Variants in DPH2 observed in about 807,000 individuals in gnomAD.
DPH2 encodes the protein diphthamide biosynthesis 2.
DPH2 carries 28 observed loss-of-function variants against 42.5 expected under a neutral mutation model. That is an observed-to-expected ratio of 0.66 (90% CI 0.49 to 0.90). DPH2 has a LOEUF of 0.90. Ranked by LOEUF, DPH2 falls within the 40% of genes least tolerant of loss-of-function variation. The pLI is 0.00. For missense variants in DPH2, 576 were observed against 636.0 expected, an observed-to-expected ratio of 0.91 and a Z score of 1.01; for synonymous variants, 279 against 264.4, an observed-to-expected ratio of 1.06 and a Z score of -0.53.
At position 43,972,573 on chromosome 1, in the gene DPH2, T is replaced by G. The variant is rs1434258755; in HGVS notation, c.*34T>G. On this transcript the variant is annotated 3_prime_UTR_variant, in exon 6 of 6. Coordinates refer to ENST00000255108, the MANE Select transcript of DPH2 (RefSeq NM_001384.5). ...GGGGCTGGAGACATAGATGGACTTA[T>G]GAATGGCTGCTAGGACCTTTAGTGC... is the stretch of plus-strand genomic sequence containing the variant. The G allele has an allele frequency of 3.7e-6, 6 of 1,613,214 alleles. No individual in the cohort carries two copies. Among genetic ancestry groups the G allele is most frequent in the Non-Finnish European group, 5.1e-6 (6 of 1,179,536 alleles).
At position 43,970,686 on chromosome 1, in the gene DPH2, C is replaced by G. The variant is rs1571781325; in HGVS notation, c.238C>G (p.Leu80Val). 1 of 1,614,154 alleles carries G rather than the reference C, an allele frequency of 6.2e-7. No homozygotes were observed. Among genetic ancestry groups the G allele is most frequent in the South Asian group, 1.1e-5 (1 of 91,076 alleles). The stretch of plus-strand genomic sequence containing the variant: ...GACGACAGGGTCAAAGATGTTCATT[C>G]TGGGTGACACAGCCTACGGCAGGTG... ...EETTGSKMFI[L>V]GDTAYGSCCV... The change falls in exon 2 of 6, where the codon CTG becomes GTG. Residue 80 changes from leucine to valine, a missense_variant. Leu to Val is a conservative substitution (Grantham distance 32, BLOSUM62 1). Coordinates refer to ENST00000255108, the MANE Select transcript of DPH2 (RefSeq NM_001384.5).
In DPH2 at chr1:43,972,300, G is replaced by C; in HGVS notation, c.1311G>C (p.Arg437=). 1 of 1,614,108 alleles carries C rather than the reference G, an allele frequency of 6.2e-7. No homozygotes were observed. Among genetic ancestry groups the C allele is most frequent in the Non-Finnish European group, 8.5e-7 (1 of 1,180,012 alleles). The change falls in exon 5 of 6, where the codon CGG becomes CGC. Residue 437 remains arginine (R), a synonymous_variant. Coordinates refer to ENST00000255108, the MANE Select transcript of DPH2 (RefSeq NM_001384.5). ...NDHGSLALTP[R]PQLELAESSP... ...ATGGAAGCTTGGCTCTGACCCCACG[G>C]CCCCAGCTGGAGCTGGCTGAGAGCA...
At position 43,972,034 on chromosome 1, in the gene DPH2, G is replaced by A; in HGVS notation, c.1132G>A (p.Ala378Thr). Residue 378 changes from alanine (A) to threonine (T), a missense_variant, in exon 4 of 6, where the codon GCT (alanine) becomes ACT (threonine). Physicochemically the swap from Ala to Thr is moderately conservative, Grantham distance 58. Coordinates refer to ENST00000255108, the MANE Select transcript of DPH2 (RefSeq NM_001384.5). Reference protein sequence around the residue: ...CNPAWPPPGLAPHLTHYADLL... With the variant: ...CNPAWPPPGLTPHLTHYADLL... Reference sequence around the variant, plus strand: ...CCCTGCCTGGCCACCTCCAGGCCTGGCTCCCCACCTCACACATTATGCGGA... The same window carrying A: ...CCCTGCCTGGCCACCTCCAGGCCTGACTCCCCACCTCACACATTATGCGGA... 1 of 1,614,024 alleles carries A rather than the reference G, an allele frequency of 6.2e-7. No homozygotes were observed. The highest frequency in any genetic ancestry group is 8.5e-7 in the Non-Finnish European group (1 of 1,179,990).
At position 43,970,232 on chromosome 1, in the gene DPH2, G is replaced by T. The variant is rs1057249658; in HGVS notation, c.57G>T (p.Val19=). The stretch of plus-strand genomic sequence containing the variant: ...CGGCGCTGCAGCGAGAGACCGGGGT[G>T]CCAGGACTGCTTACTCCTCTTCCGG... ...AEAALQRETG[V]PGLLTPLPDL... Residue 19 remains valine (V), a synonymous_variant, in exon 1 of 6, where the codon GTG becomes GTT. Transcript: ENST00000255108. 2.5e-6 allele frequency: 4 copies of T among 1,614,242 alleles called. No homozygotes were observed. The African/African-American group carries it at 5.3e-5, about 22-fold the overall frequency.
chr1:43,970,654 T>C lies in DPH2; in HGVS notation c.206T>C (p.Leu69Pro), dbSNP rs780243702. 14 of 1,614,056 alleles carry C rather than the reference T, an allele frequency of 8.7e-6. No homozygotes were observed. The highest frequency in any genetic ancestry group is 1.2e-5 in the Non-Finnish European group (14 of 1,180,038). The change falls in exon 2 of 6, where the codon CTG (leucine) becomes CCG (proline). Residue 69 changes from leucine (L) to proline (P), a missense_variant. This residue lies in a region of DPH2 where 395 missense variants were observed against 435.2 expected (regional missense o/e 0.91). Transcript: ENST00000255108. ...LGDAVAVAAR[L>P]EETTGSKMFI... ...GATGCTGTGGCTGTGGCTGCACGAC[T>C]GGAGGAGACGACAGGGTCAAAGATG...
At position 43,973,302 on chromosome 1, in the gene DPH2, C is replaced by T. The variant is rs7161; in HGVS notation, c.*763C>T. 86,630 of 152,240 alleles carry T rather than the reference C, an allele frequency of 0.57. 30,150 individuals are homozygous for T. Among genetic ancestry groups the T allele is most frequent in the Non-Finnish European group, 0.77 (52,401 of 68,020 alleles). The allele number at this position is 152,240 out of a possible 1,614,324, so 9.4% of individuals were successfully genotyped here. A position where few individuals can be genotyped will look rare whatever the true frequency, so the allele number is the denominator to read the frequency against. On this transcript the variant is annotated 3_prime_UTR_variant, in exon 6 of 6. Transcript: ENST00000255108. Reference sequence around the variant, plus strand: ...GCAGAAAGTTCTATTGGTTGGACAGCGTTGGTCTATACTGACTCTTATTTC... The same window carrying T: ...GCAGAAAGTTCTATTGGTTGGACAGTGTTGGTCTATACTGACTCTTATTTC...
rs760641008 is a variant in DPH2, at chr1:43,972,151, C to G, written c.1169-7C>G. The G allele has an allele frequency of 6.2e-7, 1 of 1,612,716 alleles. No homozygotes were observed. Among genetic ancestry groups the G allele is most frequent in the Non-Finnish European group, 8.5e-7 (1 of 1,179,014 alleles). On this transcript the variant is annotated splice_region_variant and splice_polypyrimidine_tract_variant and intron_variant, in intron 4 of 5. Transcript: ENST00000255108. ...GAGTATGGATTTTCTTTCCTCCTCC[C>G]TTTCAGGCTCTCCCTTCCACGTGGC...
rs765961038 is a variant in DPH2 at position 43,970,307 on chromosome 1, C to T, written c.132C>T (p.Asp44=). 1 of 1,614,078 alleles carries T rather than the reference C, an allele frequency of 6.2e-7. No individual in the cohort carries two copies. Among genetic ancestry groups the T allele is most frequent in the Admixed American group, 1.7e-5 (1 of 60,020 alleles). Residue 44 remains aspartate, a synonymous_variant, in exon 1 of 6, where the codon GAC becomes GAT. Coordinates refer to ENST00000255108, the MANE Select transcript of DPH2 (RefSeq NM_001384.5). ...AGCGAGTCGCTGGATTTGTCCGCGA[C>T]CTGGGGTGTGAACGAGTGAGGACAG... ...ELERVAGFVR[D]LGCERVALQF... is the part of the protein sequence containing the mutation.
Position 43,971,725 on chromosome 1 carries a change from G to C in DPH2, c.823G>C (p.Val275Leu). The stretch of plus-strand genomic sequence containing the variant: ...GCTAAGGGCACGAAGACGATATCTG[G>C]TAGAGAGGGCCAGAGATGCCCGCGT... ...GRLRARRRYL[V>L]ERARDARVVG... is the part of the protein sequence containing the mutation. Residue 275 changes from valine (V) to leucine (L), a missense_variant, in exon 4 of 6, where the codon GTA becomes CTA. Val to Leu is a conservative substitution (Grantham distance 32). Around this residue, in one of 3 missense-constraint regions of DPH2, gnomAD observed 395 missense variants for 435.2 expected, o/e 0.91. Transcript: ENST00000255108. 1.2e-6 allele frequency: 2 copies of C among 1,611,976 alleles called. No homozygotes were observed. The highest frequency in any genetic ancestry group is 1.7e-6 in the Non-Finnish European group (2 of 1,179,892).
In DPH2 at chr1:43,972,462, G is replaced by A. The variant is rs375395515; in HGVS notation, c.1393G>A (p.Gly465Ser). Residue 465 changes from glycine (G) to serine (S), a missense_variant, in exon 6 of 6, where the codon GGT becomes AGT. Coordinates refer to ENST00000255108, the MANE Select transcript of DPH2 (RefSeq NM_001384.5). ...CTGGCAAGGGCTGGAGCCCCGCCTG[G>A]GTCAGACGCCAGTGACAGAAGCTGT... The part of the protein sequence containing the change: ...RSWQGLEPRL[G>S]QTPVTEAVSG... 63 of 1,614,136 alleles carry A rather than the reference G, an allele frequency of 3.9e-5. No homozygotes were observed. The highest frequency in any genetic ancestry group is 4.7e-5 in the Non-Finnish European group (55 of 1,180,060).
chr1:43,971,041 C>A lies in DPH2; in HGVS notation c.336C>A (p.Ser112Arg). 1 of 1,579,122 alleles carries A rather than the reference C, an allele frequency of 6.3e-7. No individual in the cohort carries two copies. The highest frequency in any genetic ancestry group is 1.2e-5 in the South Asian group (1 of 86,608). The stretch of plus-strand genomic sequence containing the variant: ...TACATTTTGGCCCTGCCTGCTTAAG[C>A]CCTCCAGCCCGCCCACTGCCCGTTG... Reference protein sequence around the residue: ...ALIHFGPACLSPPARPLPVAF... With the variant: ...ALIHFGPACLRPPARPLPVAF... The change falls in exon 3 of 6, where the codon AGC (serine) becomes AGA (arginine). Residue 112 changes from serine to arginine, a missense_variant. Coordinates refer to ENST00000255108, the MANE Select transcript of DPH2 (RefSeq NM_001384.5).
At chr1:43,972,096 C>G (rs1460870336) in intron 4 of DPH2, 26 bp downstream of exon 4, 12 of 1,609,210 alleles carry the variant, frequency 7.5e-6, no homozygotes, top group Non-Finnish European at 1.0e-5. Context: ...ATTGCCTAAG[C>G]TGGAAACCTG....
rs1291966164 is a variant in DPH2 at position 43,972,901 on chromosome 1, C to T, written c.*362C>T. The T allele has an allele frequency of 1.6e-5, 3 of 187,998 alleles. No individual in the cohort carries two copies. The highest frequency in any genetic ancestry group is 3.3e-5 in the Non-Finnish European group (3 of 90,590). 11.6% of individuals were successfully genotyped at this position (187,998 alleles called of 1,614,324 possible). On this transcript the variant is annotated 3_prime_UTR_variant, in exon 6 of 6. Transcript: ENST00000255108. ...AAGGCAGGTGCTAGACAGTCTAGAC[C>T]AGGGTTTCTCAAACTCGTACTTGAC...
Position 43,970,181 on chromosome 1 carries a change from G to A in DPH2, c.6G>A (p.Glu2=), listed in dbSNP as rs760569805. Residue 2 remains glutamate, a synonymous_variant, in exon 1 of 6, where the codon GAG becomes GAA. Transcript: ENST00000255108. Reference sequence around the variant, plus strand: ...CACCACCCAAGCTGTGCCTCATGGAGTCGATGTTTAGCAGCCCTGCCGAGG... The same window carrying A: ...CACCACCCAAGCTGTGCCTCATGGAATCGATGTTTAGCAGCCCTGCCGAGG... M[E]SMFSSPAEAA... 1.2e-6 allele frequency: 2 copies of A among 1,613,768 alleles called. No individual in the cohort carries two copies. The highest frequency in any genetic ancestry group is 1.3e-5 in the African/African-American group (1 of 74,942).
At chr1:43,970,881 T>G in intron 2 of DPH2, 85 bp from the exon 3 acceptor site, 1 of 1,445,786 alleles carries the variant, frequency 6.9e-7, no homozygotes, top group Non-Finnish European at 9.6e-7. Context: ...ATGAAACCAT[T>G]TTATTCACTG....
chr1:43,970,688 G>A lies in DPH2; in HGVS notation c.240G>A (p.Leu80=). Residue 80 remains leucine, a synonymous_variant, in exon 2 of 6, where the codon CTG becomes CTA. Coordinates refer to ENST00000255108, the MANE Select transcript of DPH2 (RefSeq NM_001384.5). ...EETTGSKMFI[L]GDTAYGSCCV... ...CGACAGGGTCAAAGATGTTCATTCT[G>A]GGTGACACAGCCTACGGCAGGTGTG... The A allele has an allele frequency of 6.2e-7, 1 of 1,614,198 alleles. No individual in the cohort carries two copies.
chr1:43,971,566 T>G lies in DPH2; in HGVS notation c.664T>G (p.Ser222Ala). Residue 222 changes from serine to alanine, a missense_variant, in exon 4 of 6, where the codon TCT becomes GCT. Physicochemically the swap from Ser to Ala is moderately conservative, Grantham distance 99 (BLOSUM62 1). This residue lies in a region of DPH2 where 395 missense variants were observed against 435.2 expected (regional missense o/e 0.91). Coordinates refer to ENST00000255108, the MANE Select transcript of DPH2 (RefSeq NM_001384.5). The stretch of plus-strand genomic sequence containing the variant: ...GTATGGTGCCTTCTATGTAGGGGGC[T>G]CTAAGGCCAGCCCTGACCCAGACCT... ...EEYGAFYVGG[S>A]KASPDPDLDP... The G allele has an allele frequency of 6.2e-7, 1 of 1,614,126 alleles. No individual in the cohort carries two copies. Among genetic ancestry groups the G allele is most frequent in the Non-Finnish European group, 8.5e-7 (1 of 1,179,988 alleles).
In DPH2 at chr1:43,972,519, G is replaced by A; in HGVS notation, c.1450G>A (p.Glu484Lys). ...SGRRGIAIAY[E>K]DEGSG Reference sequence around the variant, plus strand: ...AAGACGAGGGATTGCCATCGCCTATGAGGATGAGGGAAGCGGCTGATACCA... The same window carrying A: ...AAGACGAGGGATTGCCATCGCCTATAAGGATGAGGGAAGCGGCTGATACCA... Residue 484 changes from glutamate (E) to lysine (K), a missense_variant, in exon 6 of 6, where the codon GAG becomes AAG. By Grantham distance (56) the Glu-to-Lys change is moderately conservative (BLOSUM62 1). Transcript: ENST00000255108. The A allele has an allele frequency of 6.2e-7, 1 of 1,614,254 alleles. No homozygotes were observed. Among genetic ancestry groups the A allele is most frequent in the Non-Finnish European group, 8.5e-7 (1 of 1,180,050 alleles).
At position 43,970,613 on chromosome 1, in the gene DPH2, T is replaced by C; in HGVS notation, c.165T>C (p.Pro55=). The C allele has an allele frequency of 6.2e-7, 1 of 1,614,200 alleles. No individual in the cohort carries two copies. The highest frequency in any genetic ancestry group is 8.5e-7 in the Non-Finnish European group (1 of 1,180,028). The change falls in exon 2 of 6, where the codon CCT becomes CCC. Residue 55 remains proline (P), a synonymous_variant. Transcript: ENST00000255108. The part of the protein sequence containing the change: ...LGCERVALQF[P]DQLLGDAVAV... ...GCTTATAGGTTGCCTTGCAGTTCCC[T>C]GACCAGCTATTGGGAGATGCTGTGG...
Sources: gnomAD v4.1 joint callset for allele counts on GRCh38, gnomAD v4.1.1 for gene constraint, gnomAD v4.1.1 regional missense constraint, MANE v1.5 for transcripts, NCBI Gene and HGNC (gene_info 2026-07-23, HGNC 2026-07-21) for gene names.